Variants in PIKFYVE observed in about 807,000 individuals in gnomAD.
PIKFYVE encodes the protein phosphoinositide kinase, FYVE-type zinc finger containing, also known as 1-phosphatidylinositol 3-phosphate 5-kinase.
PIKFYVE carries 122 observed loss-of-function variants against 257.9 expected under a neutral mutation model. The observed-to-expected ratio is 0.47, with a 90% CI of 0.41 to 0.55. PIKFYVE has a LOEUF of 0.55. Ranked by LOEUF, PIKFYVE falls within the 20% of genes least tolerant of loss-of-function variation. The probability of loss-of-function intolerance (pLI) is 0.00; values close to 1 mark genes in which losing one functional copy is unlikely to be tolerated. For synonymous variants in PIKFYVE, 892 were observed against 868.9 expected, an observed-to-expected ratio of 1.03 and a Z score of -0.47; for missense variants, 2,160 against 2,536.6, an observed-to-expected ratio of 0.85 and a Z score of 3.19.
intron 5 of PIKFYVE, among the ~76,000 whole-genome samples, chr2:208,282,458 T>C (rs1690938783): frequency 6.6e-6 from 1 of 152,224 alleles, no homozygotes; most frequent in Non-Finnish European, 1.5e-5. Flanking sequence ...TCAAGTTATT[T>C]TGAGGACTGG....
At chr2:208,330,004 G>A (rs1574660015) in intron 22 of PIKFYVE, 91 bp downstream of exon 22, 2 of 1,520,900 alleles carry the variant, frequency 1.3e-6, no homozygotes, top group Non-Finnish European at 8.9e-7. Flanking sequence ...GATGTTAAGT[G>A]ACTGTTACAT....
chr2:208,355,174 T>A lies in PIKFYVE; in HGVS notation c.6182-16T>A. ...ATATAACAGCTTTTTCCCCCTTTTC[T>A]CTTTCATAATCTCAGGTAAAATGCC... On this transcript the variant is annotated splice_polypyrimidine_tract_variant and intron_variant, in intron 41 of 41. Coordinates refer to ENST00000264380, the MANE Select transcript of PIKFYVE (RefSeq NM_015040.4). The A allele has an allele frequency of 6.3e-7, 1 of 1,594,796 alleles. No individual in the cohort carries two copies. The highest frequency in any genetic ancestry group is 8.6e-7 in the Non-Finnish European group (1 of 1,162,514).
In PIKFYVE at chr2:208,352,832, C is replaced by A. The variant is rs200472802; in HGVS notation, c.5844+50C>A. 6.9e-6 allele frequency: 11 copies of A among 1,594,750 alleles called. No individual in the cohort carries two copies. The Admixed American group carries it at 1.5e-4, about 22-fold the overall frequency. On this transcript the variant is annotated intron_variant, in intron 39 of 41. Transcript: ENST00000264380. ...CATTTAGCTACTGGAACCTTTTGTACCTTTGGTTCTTAAATATAGTGAATC... is the reference window on the plus strand; with the variant it reads ...CATTTAGCTACTGGAACCTTTTGTAACTTTGGTTCTTAAATATAGTGAATC...
chr2:208,305,394 T>C, intron 12 of PIKFYVE: 1 of 1,099,336 alleles, frequency 9.1e-7, no homozygotes, highest in African/African-American at 1.6e-5. Flanking sequence ...GCCTTTGCCG[T>C]TACCCAGTAA....
At chr2:208,312,360 T>G in intron 13 of PIKFYVE, 65 bp downstream of exon 13, 3 of 1,272,600 alleles carry the variant, frequency 2.4e-6, no homozygotes, top group Non-Finnish European at 3.4e-6. Context: ...TACTTAGGGC[T>G]TAGCACATTG....
At chr2:208,277,928 T>C (rs1690317824) in intron 5 of PIKFYVE, among the ~76,000 whole-genome samples, 1 of 152,214 alleles carries the variant, frequency 6.6e-6, no homozygotes, top group Admixed American at 6.5e-5. Context: ...GTATTTATTG[T>C]AGATGCTAGC....
At chr2:208,315,606 CAA>C (rs1695414705) in intron 15 of PIKFYVE, among the ~76,000 whole-genome samples, 1 of 152,156 alleles carries the variant, frequency 6.6e-6, no homozygotes. Flanking sequence ...GTTGGGAACC[CAA>C]ACAGAGATAG....
intron 40 of PIKFYVE, 125 bp from the exon 41 acceptor site, chr2:208,354,446 G>A: frequency 1.0e-6 from 1 of 959,376 alleles, no homozygotes; most frequent in Non-Finnish European, 1.6e-6. Context: ...ACAGCACTTG[G>A]CACATTGTTA....
intron 4 of PIKFYVE, among the ~76,000 whole-genome samples, chr2:208,277,050 T>A (rs1452402829): frequency 6.6e-6 from 1 of 152,186 alleles, no homozygotes; most frequent in African/African-American, 2.4e-5. Flanking sequence ...GTTTAAGAAG[T>A]GTTTATCTAG....
intron 2 of PIKFYVE, among the ~76,000 whole-genome samples, chr2:208,272,794 T>A (rs1689602548): frequency 6.8e-6 from 1 of 147,018 alleles, no homozygotes; most frequent in Non-Finnish European, 1.5e-5. Flanking sequence ...CAATGATACT[T>A]AAAAAAAAAA....
At chr2:208,282,765 A>G (rs1690988583) in intron 5 of PIKFYVE, among the ~76,000 whole-genome samples, 1 of 152,222 alleles carries the variant, frequency 6.6e-6, no homozygotes. Flanking sequence ...GGGATAATAT[A>G]GTGGTCTCCA....
At chr2:208,280,098 C>T (rs1268783142) in intron 5 of PIKFYVE, among the ~76,000 whole-genome samples, 2 of 152,080 alleles carry the variant, frequency 1.3e-5, no homozygotes, top group Non-Finnish European at 2.9e-5. Context: ...GGGTATTTTC[C>T]TGCATAATAC....
intron 5 of PIKFYVE, among the ~76,000 whole-genome samples, chr2:208,279,504 G>A (rs75019777): frequency 0.14 from 21,699 of 152,078 alleles, 1,665 homozygotes; most frequent in African/African-American, 0.18. Flanking sequence ...TGCTTCATAG[G>A]TTTTCTTCTA....
chr2:208,280,919 C>G (rs1179013746), intron 5 of PIKFYVE, among the ~76,000 whole-genome samples: 2 of 152,094 alleles, frequency 1.3e-5, no homozygotes, highest in East Asian at 1.9e-4. Context: ...GTAACCATGC[C>G]CACCTTGTCT....
chr2:208,352,877 T>C (rs1699903038), intron 39 of PIKFYVE, 95 bp downstream of exon 39: 1 of 1,455,370 alleles, frequency 6.9e-7, no homozygotes, highest in Non-Finnish European at 9.5e-7. Context: ...CATCTTATTT[T>C]ATAGTAAATA....
chr2:208,319,919 G>A (rs991797164), intron 16 of PIKFYVE, among the ~76,000 whole-genome samples: 16 of 151,894 alleles, frequency 1.1e-4, no homozygotes, highest in African/African-American at 3.9e-4. Context: ...GAAGTAACCT[G>A]TCATTAAATA....
At chr2:208,339,927 G>A (rs1003311776) in intron 30 of PIKFYVE, 84 bp from the exon 31 acceptor site, 46 of 1,483,984 alleles carry the variant, frequency 3.1e-5, no homozygotes, top group African/African-American at 5.6e-5. Context: ...TCCATATTCC[G>A]AAAGGAAAAG....
intron 31 of PIKFYVE, among the ~76,000 whole-genome samples, chr2:208,342,086 A>G (rs1370831795): frequency 6.6e-6 from 1 of 152,160 alleles, no homozygotes; most frequent in Non-Finnish European, 1.5e-5. Context: ...ACTGTGCCTA[A>G]CAGTGCCTAG....
At chr2:208,294,912 A>C (rs909650158) in intron 7 of PIKFYVE, among the ~76,000 whole-genome samples, 8 of 152,214 alleles carry the variant, frequency 5.3e-5, no homozygotes. Context: ...TTTTTCTGAC[A>C]TTCACTGTGA....
Sources: gnomAD v4.1 joint callset for allele counts (sites outside exome capture counted in the v4.1 genomes callset) on GRCh38, gnomAD v4.1.1 for gene constraint, MANE v1.5 for transcripts, NCBI Gene and HGNC (gene_info 2026-07-23, HGNC 2026-07-21) for gene names.